RECK: variants seen among roughly 807,000 people sequenced by gnomAD.
RECK encodes reversion-inducing cysteine-rich protein with Kazal motifs.
RECK carries 69 observed loss-of-function variants against 115.1 expected under a neutral mutation model. The observed-to-expected ratio is 0.60, with a 90% CI of 0.49 to 0.73. The LOEUF is 0.73. RECK is among the 30% of genes least tolerant of loss of function. The probability of loss-of-function intolerance (pLI) is 0.00; values close to 1 mark genes in which losing one functional copy is unlikely to be tolerated. For missense variants in RECK, 1,047 were observed against 1,203.7 expected (o/e 0.87, Z 1.93); for synonymous variants, 414 against 419.7 (o/e 0.99, Z 0.17).
intron 8 of RECK, among the ~76,000 whole-genome samples, chr9:36,084,183 G>A (rs1448503402): frequency 2.6e-5 from 4 of 151,994 alleles, no homozygotes; most frequent in Non-Finnish European, 4.4e-5. Flanking sequence ...ATCGTTTTGC[G>A]CTCAGGAGTT....
intron 10 of RECK, among the ~76,000 whole-genome samples, chr9:36,098,995 G>T (rs888776214): frequency 3.3e-5 from 5 of 152,136 alleles, no homozygotes; most frequent in African/African-American, 7.2e-5. Flanking sequence ...AGAGGCCAAG[G>T]TGAGCAGATC....
In RECK at chr9:36,036,945, T is replaced by G; in HGVS notation, c.-54T>G. 8.4e-7 allele frequency: 1 copy of G among 1,191,242 alleles called. No homozygotes were observed. Among genetic ancestry groups the G allele is most frequent in the Non-Finnish European group, 1.1e-6 (1 of 932,408 alleles). 73.8% of individuals were successfully genotyped at this position (1,191,242 alleles called of 1,614,324 possible). On this transcript the variant is annotated 5_prime_UTR_variant, in exon 1 of 21. Coordinates refer to ENST00000377966, the MANE Select transcript of RECK (RefSeq NM_021111.3). The stretch of plus-strand genomic sequence containing the variant: ...CGGCGGCGGTAGCGGCGGCAGCGGC[T>G]GCGGCCAAGCTGGGTCCGAGCATCC...
At chr9:36,071,518 A>G (rs1245642740) in intron 6 of RECK, among the ~76,000 whole-genome samples, 1 of 152,202 alleles carries the variant, frequency 6.6e-6, no homozygotes, top group Admixed American at 6.6e-5. Flanking sequence ...CAAATTTGCC[A>G]TCATACGTTT....
At chr9:36,077,926 A>T (rs1331879952) in intron 6 of RECK, among the ~76,000 whole-genome samples, 2 of 152,200 alleles carry the variant, frequency 1.3e-5, no homozygotes, top group Non-Finnish European at 2.9e-5. Context: ...CATATAAAAT[A>T]TCTAAATAAG....
chr9:36,084,259 C>G (rs570765764), intron 8 of RECK, among the ~76,000 whole-genome samples: 1 of 151,956 alleles, frequency 6.6e-6, no homozygotes, highest in African/African-American at 2.4e-5. Context: ...TAGCCAGGTT[C>G]ACACGCTTGT....
intron 5 of RECK, 62 bp from the exon 6 acceptor site, chr9:36,065,515 C>T: frequency 7.8e-7 from 1 of 1,286,344 alleles, no homozygotes. Context: ...AATTTATGTT[C>T]TTTTTGCCCT....
chr9:36,113,965 A>C (rs183910839), intron 16 of RECK, among the ~76,000 whole-genome samples: 1 of 152,340 alleles, frequency 6.6e-6, no homozygotes, highest in Non-Finnish European at 1.5e-5. Context: ...CATAGAGCCC[A>C]TTTGTTTCTT....
At chr9:36,080,318 A>C (rs1463252897) in intron 6 of RECK, among the ~76,000 whole-genome samples, 1 of 152,232 alleles carries the variant, frequency 6.6e-6, no homozygotes, top group African/African-American at 2.4e-5. Flanking sequence ...AATTAAGATT[A>C]ATACATTGTA....
At chr9:36,069,631 G>A (rs1401732718) in intron 6 of RECK, among the ~76,000 whole-genome samples, 1 of 152,030 alleles carries the variant, frequency 6.6e-6, no homozygotes, top group African/African-American at 2.4e-5. Context: ...TAGAACTAAA[G>A]AAATTATATG....
intron 14 of RECK, among the ~76,000 whole-genome samples, chr9:36,109,248 A>G (rs543409798): frequency 1.1e-4 from 16 of 152,342 alleles, no homozygotes; most frequent in Admixed American, 1.0e-3. Flanking sequence ...GGATGAGATC[A>G]TGCTTTATGT....
At chr9:36,047,621 T>C (rs1286526237) in intron 1 of RECK, among the ~76,000 whole-genome samples, 1 of 152,186 alleles carries the variant, frequency 6.6e-6, no homozygotes, top group African/African-American at 2.4e-5. Context: ...AAAACCCTTA[T>C]GAGTGCTTCG....
At chr9:36,105,681 T>C (rs1293771690) in intron 13 of RECK, among the ~76,000 whole-genome samples, 3 of 152,230 alleles carry the variant, frequency 2.0e-5, no homozygotes, top group Non-Finnish European at 4.4e-5. Flanking sequence ...TCATGTTTTT[T>C]CTTTCCTTTC....
At chr9:36,082,641 A>G (rs909125171) in intron 7 of RECK, among the ~76,000 whole-genome samples, 3 of 152,194 alleles carry the variant, frequency 2.0e-5, no homozygotes, top group Admixed American at 2.0e-4. Flanking sequence ...TGATTTTTTA[A>G]ATAAATAAAT....
At chr9:36,056,862 G>A in intron 2 of RECK, 2 of 422,442 alleles carry the variant, frequency 4.7e-6, no homozygotes, top group Non-Finnish European at 6.3e-6. Context: ...AATTCACTAG[G>A]CGTTGCAAAA....
chr9:36,109,309 C>G (rs751521192), intron 14 of RECK, among the ~76,000 whole-genome samples: 25 of 152,198 alleles, frequency 1.6e-4, no homozygotes, highest in Non-Finnish European at 3.2e-4. Context: ...AAGTGCTCTT[C>G]TGGGAGCTGG....
At chr9:36,067,907 C>A (rs191878415) in intron 6 of RECK, among the ~76,000 whole-genome samples, 70 of 151,134 alleles carry the variant, frequency 4.6e-4, no homozygotes, top group South Asian at 8.3e-4. Flanking sequence ...TGGGTAAAGA[C>A]CTAAAGACCT....
chr9:36,080,572 A>G (rs765413348), intron 6 of RECK, 33 bp from the exon 7 acceptor site: 4 of 1,555,118 alleles, frequency 2.6e-6, no homozygotes, highest in Non-Finnish European at 3.5e-6. Flanking sequence ...CTGGTTGTTA[A>G]TTTCTGTTTA....
Position 36,102,159 on chromosome 9 carries a change from C to A in RECK, c.1364C>A (p.Ala455Asp). ...DQNKFPEDHT[A>D]ESICELLSPT... ...AACAAATTCCCTGAAGACCACACAG[C>A]TGAAAGTATTTGTGAGCTTCTGTCA... The change falls in exon 12 of 21, where the codon GCT becomes GAT. Residue 455 changes from alanine to aspartate, a missense_variant. Ala to Asp is a moderately radical substitution (Grantham distance 126). Transcript: ENST00000377966. 6.2e-7 allele frequency: 1 copy of A among 1,613,064 alleles called. No individual in the cohort carries two copies. Among genetic ancestry groups the A allele is most frequent in the Non-Finnish European group, 8.5e-7 (1 of 1,179,104 alleles).
rs1322841779 is a variant in RECK, at chr9:36,100,432, A to G, written c.1187A>G (p.Asn396Ser). The change falls in exon 11 of 21, where the codon AAT becomes AGT. Residue 396 changes from asparagine to serine, a missense_variant. Transcript: ENST00000377966. ...GGAAGCATAAAGATGCCATTTATCA[A>G]TATACCTGTTCTTGATATTAAAAAG... ...EKGSIKMPFI[N>S]IPVLDIKKCQ... 4 of 1,614,082 alleles carry G rather than the reference A, an allele frequency of 2.5e-6. No homozygotes were observed. Among genetic ancestry groups the G allele is most frequent in the Non-Finnish European group, 3.4e-6 (4 of 1,179,918 alleles).
Sources: gnomAD v4.1 joint callset for allele counts (sites outside exome capture counted in the v4.1 genomes callset) on GRCh38, gnomAD v4.1.1 for gene constraint, MANE v1.5 for transcripts, NCBI Gene and HGNC (gene_info 2026-07-23, HGNC 2026-07-21) for gene names.